The following THEMIS variants were observed in gnomAD, a reference collection of about 807,000 sequenced individuals.
The protein encoded by THEMIS is protein THEMIS.
Under a neutral mutation model 52.6 loss-of-function variants are expected in THEMIS, and 37 were observed. The observed-to-expected ratio is 0.70, with a 90% confidence interval of 0.54 to 0.93. The LOEUF (loss-of-function observed/expected upper bound fraction) is 0.93, where lower values mean the gene tolerates loss of function less well. THEMIS is among the 40% of genes least tolerant of loss of function. The probability of loss-of-function intolerance (pLI) is 0.00; values close to 1 mark genes in which losing one functional copy is unlikely to be tolerated. For synonymous variants in THEMIS, 292 were observed against 272.7 expected (o/e 1.07, Z -0.70); for missense variants, 808 against 763.1 (o/e 1.06, Z -0.69).
chr6:127,788,496 G>T (rs1284756267), intron 4 of THEMIS, among the ~76,000 whole-genome samples: 1 of 152,108 alleles, frequency 6.6e-6, no homozygotes, highest in East Asian at 1.9e-4. Context: ...TTAAACAAAT[G>T]AATGACATTC....
At chr6:127,783,566 T>C (rs1231176179) in intron 4 of THEMIS, among the ~76,000 whole-genome samples, 1 of 152,102 alleles carries the variant, frequency 6.6e-6, no homozygotes, top group Admixed American at 6.6e-5. Context: ...CATCAAAAAC[T>C]GGGTAAAGGA....
chr6:127,769,069 G>C (rs1776290282), intron 4 of THEMIS, among the ~76,000 whole-genome samples: 1 of 152,180 alleles, frequency 6.6e-6, no homozygotes, highest in South Asian at 2.1e-4. Context: ...CTGGCTGGCT[G>C]GATTCTGGTC....
intron 4 of THEMIS, among the ~76,000 whole-genome samples, chr6:127,770,037 G>A (rs1776330557): frequency 6.6e-6 from 1 of 152,204 alleles, no homozygotes; most frequent in Admixed American, 6.5e-5. Flanking sequence ...GGACATTTGA[G>A]TTGGTTCCAA....
chr6:127,710,412 T>A lies in THEMIS; in HGVS notation c.1895-396A>T, dbSNP rs148815104. On this transcript the variant is annotated intron_variant, in intron 5 of 5. Coordinates refer to ENST00000368248, the MANE Select transcript of THEMIS (RefSeq NM_001010923.3). ...CACATAGCTAGTAAGAAGATGAAGCTGATTGTGTCTAAAAATGTCTGTTTC... is the reference window on the plus strand; with the variant it reads ...CACATAGCTAGTAAGAAGATGAAGCAGATTGTGTCTAAAAATGTCTGTTTC... Among the ~76,000 whole-genome samples, 33 of 152,124 alleles carry A rather than the reference T, an allele frequency of 2.2e-4. 2 individuals are homozygous for A. In the East Asian group the frequency reaches 4.7e-3, roughly 22 times the overall value.
chr6:127,877,770 A>T (rs1218646148), intron 1 of THEMIS, among the ~76,000 whole-genome samples: 1 of 152,232 alleles, frequency 6.6e-6, no homozygotes, highest in Non-Finnish European at 1.5e-5. Context: ...TGGCACAGAG[A>T]CACAAAGGGA....
At chr6:127,897,543 G>T (rs1193332198) in intron 1 of THEMIS, among the ~76,000 whole-genome samples, 2 of 151,238 alleles carry the variant, frequency 1.3e-5, no homozygotes, top group African/African-American at 4.8e-5. Flanking sequence ...ATATGAAAAG[G>T]TGCTCAATCT....
intron 1 of THEMIS, among the ~76,000 whole-genome samples, chr6:127,892,508 T>C (rs1583403002): frequency 6.6e-6 from 1 of 152,300 alleles, no homozygotes; most frequent in South Asian, 2.1e-4. Context: ...GGGAGGGCTT[T>C]ACTTTTTTTC....
chr6:127,808,081 A>T (rs1777780102), intron 4 of THEMIS, among the ~76,000 whole-genome samples: 1 of 152,212 alleles, frequency 6.6e-6, no homozygotes. Flanking sequence ...CTTGTCCGAC[A>T]GAAATCTAGA....
chr6:127,857,168 A>C (rs1779646147), intron 1 of THEMIS, among the ~76,000 whole-genome samples: 1 of 152,090 alleles, frequency 6.6e-6, no homozygotes, highest in Non-Finnish European at 1.5e-5. Context: ...TTGAAGGGAA[A>C]GAACAATTAA....
chr6:127,846,033 G>A (rs529177603), intron 2 of THEMIS, among the ~76,000 whole-genome samples: 17 of 152,022 alleles, frequency 1.1e-4, no homozygotes, highest in Middle Eastern at 3.4e-3. Context: ...TTGACAGAAT[G>A]TTCCCAAATG....
At chr6:127,835,202 T>C (rs1778836834) in intron 2 of THEMIS, among the ~76,000 whole-genome samples, 1 of 152,096 alleles carries the variant, frequency 6.6e-6, no homozygotes, top group Non-Finnish European at 1.5e-5. Context: ...ATACCACATA[T>C]TTGCTGTTCC....
chr6:127,723,943 T>C (rs1324379461), intron 4 of THEMIS, among the ~76,000 whole-genome samples: 1 of 152,062 alleles, frequency 6.6e-6, no homozygotes, highest in Non-Finnish European at 1.5e-5. Context: ...TGTCTTGAGC[T>C]CTCATCTCAG....
intron 4 of THEMIS, among the ~76,000 whole-genome samples, chr6:127,741,877 T>C (rs1268806685): frequency 6.6e-6 from 1 of 152,102 alleles, no homozygotes; most frequent in Non-Finnish European, 1.5e-5. Flanking sequence ...ATAAAAGATA[T>C]TGCTACAGAA....
chr6:127,848,777 T>G (rs182811710), intron 2 of THEMIS, among the ~76,000 whole-genome samples: 1 of 152,056 alleles, frequency 6.6e-6, no homozygotes, highest in Non-Finnish European at 1.5e-5. Flanking sequence ...GGATTGTTTG[T>G]TTTTTTCTTG....
chr6:127,764,707 T>C (rs1776134876), intron 4 of THEMIS, among the ~76,000 whole-genome samples: 1 of 152,074 alleles, frequency 6.6e-6, no homozygotes, highest in African/African-American at 2.4e-5. Flanking sequence ...GTCCTCCCAT[T>C]CCTTTTTCCT....
intron 4 of THEMIS, among the ~76,000 whole-genome samples, chr6:127,788,217 A>ATACATTTGC (rs1777041238): frequency 1.3e-5 from 2 of 152,174 alleles, no homozygotes; most frequent in Admixed American, 1.3e-4. Flanking sequence ...ATCTTCCAAG[A>ATACATTTGC]TACATTTGCT....
At chr6:127,703,669 T>C (rs1184114710), downstream of THEMIS, among the ~76,000 whole-genome samples, 2 of 152,172 alleles carry the variant, frequency 1.3e-5, no homozygotes, top group Non-Finnish European at 2.9e-5. Context: ...ATTAACACTT[T>C]GGCACATTAA....
chr6:127,779,087 A>G (rs1776659326), intron 4 of THEMIS, among the ~76,000 whole-genome samples: 1 of 152,138 alleles, frequency 6.6e-6, no homozygotes, highest in Non-Finnish European at 1.5e-5. Context: ...CAGAAAACTG[A>G]AACTACAGAC....
intron 3 of THEMIS, among the ~76,000 whole-genome samples, chr6:127,820,679 A>G (rs1159699658): frequency 6.6e-6 from 1 of 152,136 alleles, no homozygotes; most frequent in Non-Finnish European, 1.5e-5. Context: ...ACTAAGTGCC[A>G]TGAAGCCCAT....
Sources: gnomAD v4.1 joint callset for allele counts (sites outside exome capture counted in the v4.1 genomes callset) on GRCh38, gnomAD v4.1.1 for gene constraint, MANE v1.5 for transcripts, NCBI Gene and HGNC (gene_info 2026-07-23, HGNC 2026-07-21) for gene names.